The following MICAL2 variants were observed in gnomAD, a reference collection of about 807,000 sequenced individuals.
MICAL2 encodes the protein microtubule associated monooxygenase, calponin and LIM domain containing 2.
MICAL2 carries 77 observed loss-of-function variants against 127.3 expected under a neutral mutation model. The ratio of observed to expected loss-of-function variants is 0.60; its 90% CI spans 0.50 to 0.73. The LOEUF (loss-of-function observed/expected upper bound fraction) is 0.73, where lower values mean the gene tolerates loss of function less well. Ranked by LOEUF, MICAL2 falls within the 30% of genes least tolerant of loss-of-function variation. The pLI is 0.00. For synonymous variants in MICAL2, 570 were observed against 551.1 expected (o/e 1.03, Z -0.48); for missense variants, 1,351 against 1,434.4 (o/e 0.94, Z 0.94).
downstream of MICAL2, among the ~76,000 whole-genome samples, chr11:12,360,374 GA>G (rs1385743211): frequency 3.3e-5 from 5 of 152,126 alleles, no homozygotes; most frequent in Non-Finnish European, 5.9e-5. Context: ...AAATAACCCA[GA>G]TGTTTGGGGC....
intron 34 of MICAL2, among the ~76,000 whole-genome samples, chr11:12,357,990 G>C (rs750806891): frequency 4.6e-5 from 7 of 152,008 alleles, no homozygotes. Context: ...GCTTCTCTTT[G>C]GGGCAGAGGG....
rs568771547 is a variant in MICAL2, at chr11:12,153,826, G to C, written c.-77-8253G>C. On this transcript the variant is annotated intron_variant, in intron 2 of 27. Coordinates refer to ENST00000683283, the MANE Select transcript of MICAL2 (RefSeq NM_001282663.2). ...CTGGCCTCCTAGAAATTGGGATTCA[G>C]AGTTCACAGTTTTCCTGGGCACCCA... 3.3e-5 allele frequency among the ~76,000 whole-genome samples: 5 copies of C among 152,230 alleles called. No individual in the cohort carries two copies. The South Asian group carries it at 1.0e-3, about 32-fold the overall frequency.
intron 33 of MICAL2, among the ~76,000 whole-genome samples, chr11:12,354,576 T>A (rs1205265337): frequency 6.6e-6 from 1 of 152,094 alleles, no homozygotes. Flanking sequence ...GGGCGAAGGT[T>A]GCAGTGAGCT....
intron 17 of MICAL2, among the ~76,000 whole-genome samples, chr11:12,240,223 G>A (rs755676513): frequency 5.9e-5 from 9 of 152,222 alleles, no homozygotes; most frequent in Non-Finnish European, 1.0e-4. Context: ...GGAGGAGGCA[G>A]AATGCTGCGT....
rs1330162505 is a variant in MICAL2, at chr11:12,189,943, T to A, written c.265-14307T>A. The stretch of plus-strand genomic sequence containing the variant: ...TTTGGCAGGTTGTGGGCATCTATCA[T>A]ACAGTAATCATGGGCAGTCGGGATG... On this transcript the variant is annotated intron_variant, in intron 3 of 27. Transcript: ENST00000683283. Among the ~76,000 whole-genome samples the A allele has an allele frequency of 2.0e-5, 3 of 152,354 alleles. No homozygotes were observed. The East Asian group carries it at 5.8e-4, about 29-fold the overall frequency.
chr11:12,252,245 G>GATACACCT (rs1861645468), intron 22 of MICAL2, among the ~76,000 whole-genome samples: 1 of 152,216 alleles, frequency 6.6e-6, no homozygotes, highest in Non-Finnish European at 1.5e-5. Context: ...CTTGGAAGCA[G>GATACACCT]GGGCTAAATT....
intron 1 of MICAL2, among the ~76,000 whole-genome samples, chr11:12,119,415 C>A (rs924135740): frequency 6.6e-6 from 1 of 152,166 alleles, no homozygotes; most frequent in Non-Finnish European, 1.5e-5. Context: ...ATTATGAAAC[C>A]CTTCAAATCC....
At chr11:12,161,231 T>C (rs571123827) in intron 2 of MICAL2, among the ~76,000 whole-genome samples, 40 of 152,364 alleles carry the variant, frequency 2.6e-4, no homozygotes, top group African/African-American at 9.6e-4. Context: ...CTAAGAAATG[T>C]CTGAGGTTAG....
chr11:12,333,086 C>A (rs1204920273), intron 32 of MICAL2, among the ~76,000 whole-genome samples: 2 of 152,126 alleles, frequency 1.3e-5, no homozygotes, highest in African/African-American at 4.8e-5. Context: ...GAGACTAAAG[C>A]TGACCCTTGC....
intron 1 of MICAL2, among the ~76,000 whole-genome samples, chr11:12,276,917 T>C (rs2134759128): frequency 6.6e-6 from 1 of 152,032 alleles, no homozygotes; most frequent in South Asian, 2.1e-4. Flanking sequence ...TGCTAGAGAG[T>C]GGCTGGTCAG....
intron 3 of MICAL2, among the ~76,000 whole-genome samples, chr11:12,187,549 G>A (rs1858466229): frequency 6.6e-6 from 1 of 152,136 alleles, no homozygotes; most frequent in South Asian, 2.1e-4. Flanking sequence ...GTTACTGAGT[G>A]GTCCCAGGCA....
intron 4 of MICAL2, among the ~76,000 whole-genome samples, chr11:12,204,924 G>A (rs940351844): frequency 2.6e-5 from 4 of 152,196 alleles, no homozygotes; most frequent in South Asian, 2.1e-4. Context: ...GGGCCAGATA[G>A]TCAAGACCTT....
chr11:12,149,069 C>T (rs1481900097), intron 2 of MICAL2, among the ~76,000 whole-genome samples: 1 of 152,298 alleles, frequency 6.6e-6, no homozygotes, highest in Non-Finnish European at 1.5e-5. Flanking sequence ...CTGTGACACT[C>T]TGCTGCCTTT....
chr11:12,180,376 A>G (rs1184034033), intron 3 of MICAL2, among the ~76,000 whole-genome samples: 1 of 140,528 alleles, frequency 7.1e-6, no homozygotes, highest in Non-Finnish European at 1.6e-5. Flanking sequence ...AAGGTTTCCC[A>G]TGAAGGGCAT....
At chr11:12,294,984 T>G, downstream of MICAL2, 4 of 1,310,592 alleles carry the variant, frequency 3.1e-6, no homozygotes, top group Non-Finnish European at 3.9e-6. Context: ...TAGGAAAACT[T>G]TAAAGGCAAA....
intron 1 of MICAL2, among the ~76,000 whole-genome samples, chr11:12,122,653 CCTGCCT>C (rs1235169383): frequency 1.3e-5 from 2 of 152,194 alleles, no homozygotes; most frequent in African/African-American, 2.4e-5. Flanking sequence ...AAGTGATCTG[CCTGCCT>C]CAGCTTCCCA....
At chr11:12,222,398 C>G (rs1856924926) in intron 10 of MICAL2, among the ~76,000 whole-genome samples, 1 of 152,198 alleles carries the variant, frequency 6.6e-6, no homozygotes, top group Non-Finnish European at 1.5e-5. Flanking sequence ...AGGAGCCCAG[C>G]ATCCCCGTCA....
At chr11:12,335,674 C>A (rs1246985762) in intron 32 of MICAL2, among the ~76,000 whole-genome samples, 1 of 152,146 alleles carries the variant, frequency 6.6e-6, no homozygotes, top group Admixed American at 6.5e-5. Context: ...CTACATATGG[C>A]TAGCTAGTTT....
At chr11:12,220,115 A>G in intron 8 of MICAL2, 86 bp from the exon 9 acceptor site, 1 of 1,537,886 alleles carries the variant, frequency 6.5e-7, no homozygotes. Context: ...GTAGGGACCC[A>G]TTCCAAGTCC....
Sources: gnomAD v4.1 joint callset for allele counts (sites outside exome capture counted in the v4.1 genomes callset) on GRCh38, gnomAD v4.1.1 for gene constraint, MANE v1.5 for transcripts, NCBI Gene and HGNC (gene_info 2026-07-23, HGNC 2026-07-21) for gene names.